Variants in SNTG1 observed in about 807,000 individuals in gnomAD.
SNTG1 encodes gamma-1-syntrophin.
In SNTG1, 39 loss-of-function variants were observed where a neutral mutation model predicts 74.7. The ratio of observed to expected loss-of-function variants is 0.52; its 90% CI spans 0.40 to 0.68. The LOEUF (loss-of-function observed/expected upper bound fraction) is 0.68. SNTG1 is among the 30% of genes least tolerant of loss of function. The pLI is 0.00. For missense variants in SNTG1, 685 were observed against 609.5 expected, an observed-to-expected ratio of 1.12 and a Z score of -1.30; for synonymous variants, 254 against 217.1, an observed-to-expected ratio of 1.17 and a Z score of -1.49.
At chr8:50,412,928 A>T (rs1330630435) in intron 4 of SNTG1, among the ~76,000 whole-genome samples, 3 of 152,148 alleles carry the variant, frequency 2.0e-5, no homozygotes, top group African/African-American at 4.8e-5. Context: ...TAAGTAGGAA[A>T]ATCAGGTTTT....
At chr8:50,131,989 T>C (rs1014738061) in intron 1 of SNTG1, among the ~76,000 whole-genome samples, 1 of 152,124 alleles carries the variant, frequency 6.6e-6, no homozygotes, top group Non-Finnish European at 1.5e-5. Context: ...GTTGACCACA[T>C]ATGCATGTGC....
At chr8:50,353,363 C>T in intron 2 of SNTG1, among the ~76,000 whole-genome samples, 1 of 151,902 alleles carries the variant, frequency 6.6e-6, no homozygotes, top group East Asian at 1.9e-4. Flanking sequence ...GTGTAACAAA[C>T]CTGAACGTAG....
At chr8:50,495,147 G>C (rs530743122) in intron 8 of SNTG1, among the ~76,000 whole-genome samples, 1 of 152,072 alleles carries the variant, frequency 6.6e-6, no homozygotes, top group Non-Finnish European at 1.5e-5. Flanking sequence ...TAACCAGATG[G>C]ACCTTCTTGT....
At chr8:50,461,682 A>G (rs2093564027) in intron 8 of SNTG1, among the ~76,000 whole-genome samples, 1 of 151,976 alleles carries the variant, frequency 6.6e-6, no homozygotes, top group East Asian at 1.9e-4. Context: ...GTCACTTTTA[A>G]ATACTCTAAT....
At chr8:50,157,362 A>G (rs1403101859) in intron 1 of SNTG1, among the ~76,000 whole-genome samples, 1 of 152,106 alleles carries the variant, frequency 6.6e-6, no homozygotes, top group Admixed American at 6.5e-5. Flanking sequence ...GCTAAAACTC[A>G]TCAAACTGTG....
At chr8:50,316,875 T>A (rs957709354) in intron 2 of SNTG1, among the ~76,000 whole-genome samples, 4 of 152,192 alleles carry the variant, frequency 2.6e-5, no homozygotes, top group African/African-American at 7.2e-5. Context: ...TGGAACAATA[T>A]TTCTACTGGA....
chr8:50,484,586 G>T (rs1050666357), intron 8 of SNTG1, among the ~76,000 whole-genome samples: 2 of 151,668 alleles, frequency 1.3e-5, no homozygotes, highest in African/African-American at 2.4e-5. Flanking sequence ...AGGGCCTGGC[G>T]CAGTGGCTCA....
chr8:50,649,474 G>A (rs1021311494), intron 13 of SNTG1, among the ~76,000 whole-genome samples: 1 of 152,092 alleles, frequency 6.6e-6, no homozygotes, highest in African/African-American at 2.4e-5. Context: ...ACTCCAGCCT[G>A]GGTGACAGAG....
chr8:50,497,029 C>T (rs2093910861), intron 8 of SNTG1, among the ~76,000 whole-genome samples: 1 of 149,050 alleles, frequency 6.7e-6, no homozygotes, highest in Non-Finnish European at 1.5e-5. Flanking sequence ...GATTAATAAG[C>T]CTGCATTAAT....
At chr8:50,039,525 A>G (rs1290645081) in intron 1 of SNTG1, among the ~76,000 whole-genome samples, 1 of 150,326 alleles carries the variant, frequency 6.7e-6, no homozygotes, top group Non-Finnish European at 1.5e-5. Context: ...TAAAATGGGT[A>G]TCAGCACAGG....
intron 9 of SNTG1, among the ~76,000 whole-genome samples, chr8:50,513,188 C>T (rs927924567): frequency 6.6e-5 from 10 of 152,196 alleles, no homozygotes; most frequent in Non-Finnish European, 1.3e-4. Flanking sequence ...CCACTCCAGA[C>T]CCTGTTTGCC....
chr8:50,128,782 C>T (rs187696668), intron 1 of SNTG1, among the ~76,000 whole-genome samples: 1 of 152,148 alleles, frequency 6.6e-6, no homozygotes, highest in Admixed American at 6.6e-5. Flanking sequence ...ATTATAATTA[C>T]AAAAATGTTT....
intron 15 of SNTG1, among the ~76,000 whole-genome samples, chr8:50,703,513 C>G (rs946696887): frequency 2.6e-4 from 39 of 151,664 alleles, no homozygotes; most frequent in Non-Finnish European, 5.7e-4. Context: ...ACTGCTTGAG[C>G]CTGTTTTATA....
chr8:50,743,451 G>A (rs542579703), intron 17 of SNTG1, among the ~76,000 whole-genome samples: 5 of 151,662 alleles, frequency 3.3e-5, no homozygotes, highest in South Asian at 2.1e-4. Context: ...TTGTCAGAAC[G>A]CATCAACCTT....
chr8:50,521,459 C>A (rs1227272337), intron 9 of SNTG1, among the ~76,000 whole-genome samples: 3 of 152,078 alleles, frequency 2.0e-5, no homozygotes, highest in South Asian at 2.1e-4. Flanking sequence ...ATCATCTGAA[C>A]CTTCACTGAT....
At chr8:50,697,379 AC>A (rs1410793994) in intron 15 of SNTG1, among the ~76,000 whole-genome samples, 2 of 152,162 alleles carry the variant, frequency 1.3e-5, no homozygotes, top group Non-Finnish European at 2.9e-5. Flanking sequence ...GCAAACAAGG[AC>A]AATTGACTTT....
At chr8:50,519,936 AC>A (rs2130134594) in intron 9 of SNTG1, among the ~76,000 whole-genome samples, 1 of 152,268 alleles carries the variant, frequency 6.6e-6, no homozygotes, top group South Asian at 2.1e-4. Flanking sequence ...TTGAAAAAAA[AC>A]TACTTTAAAT....
At chr8:50,520,425 G>A (rs2094169914) in intron 9 of SNTG1, among the ~76,000 whole-genome samples, 1 of 152,066 alleles carries the variant, frequency 6.6e-6, no homozygotes. Context: ...GGCAACAAAA[G>A]CCAAAATTGA....
chr8:50,658,703 T>G, intron 15 of SNTG1, 40 bp downstream of exon 15: 1 of 1,420,820 alleles, frequency 7.0e-7, no homozygotes, highest in Non-Finnish European at 9.8e-7. Context: ...TGGCTTTTCC[T>G]CAGCAAATAG....
Sources: gnomAD v4.1 joint callset for allele counts (sites outside exome capture counted in the v4.1 genomes callset) on GRCh38, gnomAD v4.1.1 for gene constraint, MANE v1.5 for transcripts, NCBI Gene and HGNC (gene_info 2026-07-23, HGNC 2026-07-21) for gene names.